The following MCM9 variants were observed in gnomAD, a reference collection of about 807,000 sequenced individuals.
The protein encoded by MCM9 is DNA helicase MCM9.
MCM9 carries 55 observed loss-of-function variants against 72.8 expected under a neutral mutation model. The ratio of observed to expected loss-of-function variants is 0.76; its 90% CI spans 0.61 to 0.95. MCM9 has a LOEUF of 0.95. Ranked by LOEUF, MCM9 falls within the 40% of genes least tolerant of loss-of-function variation. The pLI is 0.00. For missense variants in MCM9, 1,279 were observed against 1,377.0 expected, an observed-to-expected ratio of 0.93 and a Z score of 1.13; for synonymous variants, 480 against 503.4, an observed-to-expected ratio of 0.95 and a Z score of 0.62.
intron 9 of MCM9, among the ~76,000 whole-genome samples, chr6:118,836,373 G>C (rs1049846351): frequency 6.6e-6 from 1 of 152,200 alleles, no homozygotes; most frequent in South Asian, 2.1e-4. Flanking sequence ...AATGAGTTGG[G>C]GGGAGCCCCT....
At chr6:118,933,797 G>C (rs1423327975) in intron 1 of MCM9, among the ~76,000 whole-genome samples, 1 of 152,024 alleles carries the variant, frequency 6.6e-6, no homozygotes, top group African/African-American at 2.4e-5. Context: ...ACCACTATAG[G>C]AGGCCAGAGT....
In MCM9 at chr6:118,856,677, G is replaced by A. The variant is rs1776573158; in HGVS notation, c.1151-132C>T. On this transcript the variant is annotated intron_variant, in intron 8 of 13. Transcript: ENST00000619706. ...GAAGATTTCTTGAACACAGGAGTTC[G>A]AGGCCTGCCTGGACAACATGGCAAA... 9.6e-6 allele frequency: 9 copies of A among 936,678 alleles called. No individual in the cohort carries two copies. In the South Asian group the frequency reaches 1.2e-4, roughly 13 times the overall value. 58.0% of individuals were successfully genotyped at this position (936,678 alleles called of 1,614,324 possible).
chr6:118,825,058 C>G (rs1774070558), intron 13 of MCM9, among the ~76,000 whole-genome samples: 1 of 152,202 alleles, frequency 6.6e-6, no homozygotes, highest in African/African-American at 2.4e-5. Flanking sequence ...CTGGGCCTCA[C>G]TTTTTCTCCT....
chr6:118,847,422 C>CAAAAAAAA (rs368957444), intron 9 of MCM9, among the ~76,000 whole-genome samples: 4 of 113,890 alleles, frequency 3.5e-5, no homozygotes, highest in Admixed American at 9.6e-5. Context: ...CATGAATCTT[C>CAAAAAAAA]AAAAAAAAAA....
intron 8 of MCM9, among the ~76,000 whole-genome samples, chr6:118,880,734 G>C (rs1428950931): frequency 6.6e-6 from 1 of 152,188 alleles, no homozygotes; most frequent in Non-Finnish European, 1.5e-5. Context: ...TTTAGTACTG[G>C]AATAGGGAAG....
intron 9 of MCM9, among the ~76,000 whole-genome samples, chr6:118,840,482 C>G (rs1167064775): frequency 6.6e-6 from 1 of 152,178 alleles, no homozygotes; most frequent in Non-Finnish European, 1.5e-5. Flanking sequence ...CAAAACCTAT[C>G]CCAACAATGT....
intron 9 of MCM9, among the ~76,000 whole-genome samples, chr6:118,835,754 G>C (rs570431861): frequency 6.6e-6 from 1 of 152,286 alleles, no homozygotes; most frequent in East Asian, 1.9e-4. Flanking sequence ...TTTTGGGTGA[G>C]ACAATGGGGT....
chr6:118,839,607 A>C (rs794874), intron 9 of MCM9, among the ~76,000 whole-genome samples: 145,261 of 152,184 alleles, frequency 0.95, 69,552 homozygotes, highest in East Asian at 0.99. Flanking sequence ...GATGGGGTTT[A>C]TGTGTGGACG....
chr6:118,858,805 T>A (rs992565290), intron 8 of MCM9, among the ~76,000 whole-genome samples: 2 of 152,152 alleles, frequency 1.3e-5, no homozygotes, highest in East Asian at 3.8e-4. Flanking sequence ...ATATTCAAGA[T>A]GTCAATTCTT....
chr6:118,905,739 G>C (rs1337456089), intron 8 of MCM9: 1 of 1,613,478 alleles, frequency 6.2e-7, no homozygotes, highest in Non-Finnish European at 8.5e-7. Flanking sequence ...TCGAGGACAA[G>C]AATTTATTAG....
chr6:118,915,586 C>T (rs971508755), intron 6 of MCM9, among the ~76,000 whole-genome samples: 8 of 152,180 alleles, frequency 5.3e-5, no homozygotes, highest in African/African-American at 1.9e-4. Context: ...AGTCAACCTC[C>T]AAGTGCTGAT....
In MCM9 at chr6:118,913,923, G is replaced by A. The variant is rs146311344; in HGVS notation, c.905-503C>T. Among the ~76,000 whole-genome samples, 3 of 152,230 alleles carry A rather than the reference G, an allele frequency of 2.0e-5. No individual in the cohort carries two copies. The East Asian group carries it at 5.8e-4, about 29-fold the overall frequency. On this transcript the variant is annotated intron_variant, in intron 6 of 13. Coordinates refer to ENST00000619706, the MANE Select transcript of MCM9 (RefSeq NM_017696.3). The stretch of plus-strand genomic sequence containing the variant: ...ATGAGCCACCGTATGTACTTTCTAT[G>A]TGACAATTTCAGTAAAATTACTCCA...
chr6:118,907,509 A>G, intron 8 of MCM9: 15 of 1,613,610 alleles, frequency 9.3e-6, no homozygotes, highest in Non-Finnish European at 1.3e-5. Flanking sequence ...ATCCAAATCT[A>G]CAGTCACTTC....
intron 3 of MCM9, among the ~76,000 whole-genome samples, chr6:118,927,520 G>A (rs575122082): frequency 1.1e-3 from 172 of 151,996 alleles, no homozygotes; most frequent in African/African-American, 4.0e-3. Context: ...CAAGAGAATC[G>A]CTTGAACCTG....
intron 8 of MCM9, among the ~76,000 whole-genome samples, chr6:118,890,984 A>G (rs146515358): frequency 0.066 from 10,072 of 152,270 alleles, 480 homozygotes; most frequent in East Asian, 0.19. Flanking sequence ...ACGGGCTGAC[A>G]CTCAATTTAA....
intron 8 of MCM9, among the ~76,000 whole-genome samples, chr6:118,865,481 C>T (rs141907410): frequency 0.058 from 8,765 of 152,210 alleles, 366 homozygotes; most frequent in East Asian, 0.19. Flanking sequence ...ACACTTCTAA[C>T]GGCTACATCC....
intron 8 of MCM9, among the ~76,000 whole-genome samples, chr6:118,871,095 T>C (rs1777568737): frequency 6.6e-6 from 1 of 152,160 alleles, no homozygotes; most frequent in African/African-American, 2.4e-5. Context: ...CGAACTCATC[T>C]TTTGAGGCCA....
chr6:118,925,205 A>G (rs954231417), intron 3 of MCM9, among the ~76,000 whole-genome samples: 1 of 152,138 alleles, frequency 6.6e-6, no homozygotes, highest in African/African-American at 2.4e-5. Context: ...TGCTGGCTAT[A>G]AAGGCTAATT....
At position 118,859,832 on chromosome 6, in the gene MCM9, T is replaced by A. The variant is rs182697901; in HGVS notation, c.1151-3287A>T. Among the ~76,000 whole-genome samples the A allele has an allele frequency of 3.1e-3, 467 of 152,342 alleles. 3 individuals carry two copies. The highest frequency in any genetic ancestry group is 6.8e-3 in the Middle Eastern group (2 of 294). ...GGAACTATTTTACCAGAGCCTTATCTACCTGGAAGAAGGGCAATATCCACC... is the reference window on the plus strand; with the variant it reads ...GGAACTATTTTACCAGAGCCTTATCAACCTGGAAGAAGGGCAATATCCACC... On this transcript the variant is annotated intron_variant, in intron 8 of 13. Coordinates refer to ENST00000619706, the MANE Select transcript of MCM9 (RefSeq NM_017696.3).
Sources: allele counts gnomAD v4.1 joint callset (sites outside exome capture counted in the v4.1 genomes callset), GRCh38; gene constraint gnomAD v4.1.1; transcripts MANE v1.5; gene names NCBI Gene and HGNC (gene_info 2026-07-23, HGNC 2026-07-21).